Variants in PTPRT observed in about 807,000 individuals in gnomAD.
PTPRT encodes protein tyrosine phosphatase receptor type T.
PTPRT carries 56 observed loss-of-function variants against 176.8 expected under a neutral mutation model. That is an observed-to-expected ratio of 0.32 (90% CI 0.26 to 0.40). The LOEUF is 0.40. Among genes scored for constraint, PTPRT ranks in the 10% least tolerant of loss-of-function variants. PTPRT has a pLI of 1.00. For synonymous variants in PTPRT, 783 were observed against 739.0 expected, an observed-to-expected ratio of 1.06 and a Z score of -0.96; for missense variants, 1,540 against 1,908.2, an observed-to-expected ratio of 0.81 and a Z score of 3.60.
chr20:43,172,507 G>A (rs1420028086), intron 1 of PTPRT, among the ~76,000 whole-genome samples: 5 of 152,148 alleles, frequency 3.3e-5, no homozygotes. Context: ...AAGGTCCTAT[G>A]TCCTAGGAAC....
intron 7 of PTPRT, among the ~76,000 whole-genome samples, chr20:42,669,320 C>G (rs576792957): frequency 6.6e-6 from 1 of 152,258 alleles, no homozygotes; most frequent in South Asian, 2.1e-4. Context: ...CCCCTCCTTC[C>G]CTAGATCCTC....
chr20:42,394,527 G>A (rs1231163122), intron 9 of PTPRT, among the ~76,000 whole-genome samples: 2 of 152,092 alleles, frequency 1.3e-5, no homozygotes, highest in Non-Finnish European at 2.9e-5. Flanking sequence ...CACACACTGG[G>A]GTTGACAGAG....
rs1198296764 is a variant in PTPRT, at chr20:42,423,375, C to G, written c.1560+24845G>C. Among the ~76,000 whole-genome samples, 4 of 152,078 alleles carry G rather than the reference C, an allele frequency of 2.6e-5. No individual in the cohort carries two copies. The East Asian group carries it at 5.8e-4, about 22-fold the overall frequency. ...GACACGTCACCCAGGGTTAGTGGCA[C>G]AGTTAGACTGCATTTCCCTTTTTTA... is the stretch of plus-strand genomic sequence containing the variant. On this transcript the variant is annotated intron_variant, in intron 9 of 30. Coordinates refer to ENST00000373187, the MANE Select transcript of PTPRT (RefSeq NM_007050.6).
intron 7 of PTPRT, among the ~76,000 whole-genome samples, chr20:42,478,823 C>T (rs1204099378): frequency 1.3e-5 from 2 of 152,112 alleles, no homozygotes; most frequent in Non-Finnish European, 2.9e-5. Context: ...ATGTTCACCT[C>T]CACTGCCAAC....
intron 1 of PTPRT, 72 bp from the exon 2 acceptor site, chr20:42,886,004 G>T (rs1279369702): frequency 8.3e-6 from 11 of 1,320,058 alleles, no homozygotes; most frequent in African/African-American, 1.5e-5. Flanking sequence ...TGTCTCGTCG[G>T]CTCTTCATTT....
intron 1 of PTPRT, among the ~76,000 whole-genome samples, chr20:43,103,795 G>T (rs1170481430): frequency 1.5e-5 from 2 of 131,034 alleles, no homozygotes; most frequent in Non-Finnish European, 3.3e-5. Context: ...GATTCCTTAG[G>T]GTAGTAATAA....
chr20:42,262,139 G>C (rs1163458160), intron 13 of PTPRT, among the ~76,000 whole-genome samples: 2 of 152,184 alleles, frequency 1.3e-5, no homozygotes, highest in Non-Finnish European at 2.9e-5. Flanking sequence ...CCATGAACAT[G>C]TTTTCTTTCT....
At chr20:42,533,145 A>G (rs1447417384) in intron 7 of PTPRT, among the ~76,000 whole-genome samples, 1 of 152,186 alleles carries the variant, frequency 6.6e-6, no homozygotes, top group Non-Finnish European at 1.5e-5. Flanking sequence ...CTGGAAGCCC[A>G]TTTGCTTAGT....
At chr20:42,054,352 GA>G in the PTPRT span, among the ~76,000 whole-genome samples, 6 of 152,186 alleles carry the variant, frequency 3.9e-5, no homozygotes, top group Non-Finnish European at 7.3e-5. Context: ...CTCATCTTAA[GA>G]ATGAATCCAA....
chr20:42,243,068 AGGGG>A (rs1393636519), intron 14 of PTPRT, among the ~76,000 whole-genome samples: 1 of 130,712 alleles, frequency 7.7e-6, no homozygotes, highest in Non-Finnish European at 1.6e-5. Flanking sequence ...GGAGGGAGGG[AGGGG>A]GAGAAAGAGA....
intron 6 of PTPRT, among the ~76,000 whole-genome samples, chr20:42,730,093 C>T (rs2076437969): frequency 6.6e-6 from 1 of 152,180 alleles, no homozygotes; most frequent in South Asian, 2.1e-4. Flanking sequence ...CACATGAATC[C>T]ATGTCTGTGT....
intron 14 of PTPRT, among the ~76,000 whole-genome samples, chr20:42,244,724 C>G (rs1054393989): frequency 2.6e-5 from 4 of 152,108 alleles, no homozygotes; most frequent in African/African-American, 7.2e-5. Flanking sequence ...AACTTGTGTG[C>G]GCATACATAT....
At chr20:42,202,747 T>C (rs1991503600) in intron 15 of PTPRT, among the ~76,000 whole-genome samples, 1 of 152,174 alleles carries the variant, frequency 6.6e-6, no homozygotes, top group Admixed American at 6.5e-5. Context: ...AAACTATAAA[T>C]GAGTATGTTT....
intron 16 of PTPRT, among the ~76,000 whole-genome samples, chr20:42,184,515 CCTCCTTCTTCTTCTTCTT>C (rs1270239472): frequency 1.5e-3 from 105 of 71,526 alleles, no homozygotes; most frequent in African/African-American, 4.6e-3. Flanking sequence ...TCCTCCTCCT[CCTCCTTCTTCTTCTTCTT>C]CCTCTTCCTC....
intron 2 of PTPRT, among the ~76,000 whole-genome samples, chr20:42,816,735 A>G (rs2077793639): frequency 1.3e-5 from 2 of 152,186 alleles, no homozygotes; most frequent in Admixed American, 1.3e-4. Flanking sequence ...GAGGCCTCCA[A>G]GCCATGCTTC....
chr20:42,301,777 G>A (rs571113096), intron 12 of PTPRT, among the ~76,000 whole-genome samples: 1 of 152,144 alleles, frequency 6.6e-6, no homozygotes, highest in African/African-American at 2.4e-5. Flanking sequence ...CACTATTCTT[G>A]AAACATCTCT....
chr20:42,827,976 A>G (rs776580100), intron 2 of PTPRT, among the ~76,000 whole-genome samples: 2 of 152,208 alleles, frequency 1.3e-5, no homozygotes, highest in African/African-American at 4.8e-5. Context: ...CAGTAATTTG[A>G]TACCAGTAGA....
chr20:43,141,937 C>G (rs960433902), intron 1 of PTPRT, among the ~76,000 whole-genome samples: 2 of 152,134 alleles, frequency 1.3e-5, no homozygotes, highest in Admixed American at 1.3e-4. Context: ...ATGTGGTGAG[C>G]CTCCGAGCAG....
At chr20:42,161,227 T>A (rs1266569952) in intron 17 of PTPRT, 125 bp downstream of exon 17, 1 of 1,079,482 alleles carries the variant, frequency 9.3e-7, no homozygotes. Context: ...ATGTTGCATT[T>A]CCTACACGCT....
Sources: allele counts gnomAD v4.1 joint callset (sites outside exome capture counted in the v4.1 genomes callset), GRCh38; gene constraint gnomAD v4.1.1; transcripts MANE v1.5; gene names NCBI Gene and HGNC (gene_info 2026-07-23, HGNC 2026-07-21).